Variants in EEF2KMT observed in about 807,000 individuals in gnomAD.
EEF2KMT encodes eukaryotic elongation factor 2 lysine methyltransferase.
EEF2KMT carries 30 observed loss-of-function variants against 35.1 expected under a neutral mutation model. The ratio of observed to expected loss-of-function variants is 0.85; its 90% CI spans 0.64 to 1.16. The LOEUF (loss-of-function observed/expected upper bound fraction) is 1.16. Among genes scored for constraint, EEF2KMT ranks in the 50% most tolerant of loss-of-function variants. The pLI is 0.00. For synonymous variants in EEF2KMT, 190 were observed against 187.7 expected (o/e 1.01, Z -0.10); for missense variants, 499 against 438.2 (o/e 1.14, Z -1.24).
At chr16:5,087,044 A>T (rs542144469) in intron 7 of EEF2KMT, 10 of 152,308 alleles carry the variant, frequency 6.6e-5, no homozygotes, top group African/African-American at 1.4e-4. Context: ...ATGAAGTAGT[A>T]CAGACATGAA....
In EEF2KMT at chr16:5,085,310, C is replaced by T. The variant is rs1957115588; in HGVS notation, c.*322G>A. The T allele has an allele frequency of 1.2e-5, 6 of 482,100 alleles. No individual in the cohort carries two copies. Among genetic ancestry groups the T allele is most frequent in the African/African-American group, 2.0e-5 (1 of 51,208 alleles). 29.9% of individuals were successfully genotyped at this position (482,100 alleles called of 1,614,324 possible). On this transcript the variant is annotated 3_prime_UTR_variant, in exon 8 of 8. Coordinates refer to ENST00000427587, the MANE Select transcript of EEF2KMT (RefSeq NM_201400.4). ...GCAGTGGGCTTGGCTTTGTGAGGAA[C>T]TGAGTGTGTCCACGTTGGGGGAACA...
rs533440227 is a variant in EEF2KMT at position 5,090,641 on chromosome 16, C to T, written c.343-76G>A. On this transcript the variant is annotated intron_variant, in intron 4 of 7. Transcript: ENST00000427587. The surrounding 1 kb of genome is among the most constrained non-coding windows in gnomAD (Gnocchi z 4.1). The stretch of plus-strand genomic sequence containing the variant: ...GCTTAGAAGACAAGTAGCCCCACCA[C>T]ATGGCTGAATAAACCATGACAGGAC... 3.9e-5 allele frequency: 62 copies of T among 1,586,478 alleles called. No individual in the cohort carries two copies. The South Asian group carries it at 6.2e-4, about 16-fold the overall frequency.
chr16:5,091,859 A>G lies in EEF2KMT; in HGVS notation c.277T>C (p.Tyr93His). The G allele has an allele frequency of 6.2e-7, 1 of 1,611,928 alleles. No homozygotes were observed. Among genetic ancestry groups the G allele is most frequent in the Non-Finnish European group, 8.5e-7 (1 of 1,179,800 alleles). ...ATCAGGGTCTCCGCCAGCGCTTCAT[A>G]CAGCTCGTCCAAAGGCTCTGTGTGG... is the stretch of plus-strand genomic sequence containing the variant. ...AVHTEPLDEL[Y>H]EALAETLMAK... is the part of the protein sequence containing the mutation. The change falls in exon 4 of 8, where the codon TAT (tyrosine) becomes CAT (histidine). Residue 93 changes from tyrosine (Y) to histidine (H), a missense_variant. Tyr to His is a moderately conservative substitution (Grantham distance 83, BLOSUM62 2). Coordinates refer to ENST00000427587, the MANE Select transcript of EEF2KMT (RefSeq NM_201400.4).
Position 5,097,599 on chromosome 16 carries a change from A to G in EEF2KMT, c.96+45T>C, listed in dbSNP as rs780430501. 6.6e-5 allele frequency: 101 copies of G among 1,528,938 alleles called. No individual in the cohort carries two copies. The East Asian group carries it at 2.2e-3, about 34-fold the overall frequency. 94.7% of individuals were successfully genotyped at this position (1,528,938 alleles called of 1,614,324 possible). A position where few individuals can be genotyped will look rare whatever the true frequency, so the allele number is the denominator to read the frequency against. On this transcript the variant is annotated intron_variant, in intron 1 of 7. Coordinates refer to ENST00000427587, the MANE Select transcript of EEF2KMT (RefSeq NM_201400.4). ...GGAGACCCGTCCCGTCTGCCCCTGG[A>G]CTCCCGCGAGCCCCGCGGGCCTCTC... is the stretch of plus-strand genomic sequence containing the variant.
In EEF2KMT at chr16:5,097,755, G is replaced by A. The variant is rs372997141; in HGVS notation, c.-16C>T. On this transcript the variant is annotated 5_prime_UTR_variant, in exon 1 of 8. Transcript: ENST00000427587. Reference sequence around the variant, plus strand: ...CGGGCGCCATGACGTGGGCGGGGCCGCAGCGTTGCCGGCAGACCGGGCGGA... The same window carrying A: ...CGGGCGCCATGACGTGGGCGGGGCCACAGCGTTGCCGGCAGACCGGGCGGA... 2.4e-5 allele frequency: 37 copies of A among 1,547,172 alleles called. No individual in the cohort carries two copies. Among genetic ancestry groups the A allele is most frequent in the Non-Finnish European group, 3.0e-5 (34 of 1,152,424 alleles).
intron 1 of EEF2KMT, among the ~76,000 whole-genome samples, chr16:5,096,866 A>C (rs1010843664): frequency 6.6e-6 from 1 of 152,262 alleles, no homozygotes; most frequent in African/African-American, 2.4e-5. Flanking sequence ...TTTTGGGTTA[A>C]AAATGCACGA....
At chr16:5,093,833 C>T (rs535466157) in intron 2 of EEF2KMT, among the ~76,000 whole-genome samples, 2 of 152,366 alleles carry the variant, frequency 1.3e-5, no homozygotes, top group African/African-American at 4.8e-5. Context: ...GCCCAAACCG[C>T]CTCCCTCCCA....
At position 5,090,563 on chromosome 16, in the gene EEF2KMT, G is replaced by A. The variant is rs1957322321; in HGVS notation, c.345C>T (p.Pro115=). ...STQGHRSYLL[P]SGGSVTLSES... ...CGGAGAGTGTGACCGAGCCTCCCGA[G>A]GGCTGCACCAAGAGAAGGCGAGAGA... Residue 115 remains proline (P), a splice_region_variant and synonymous_variant, in exon 5 of 8, where the codon CCC becomes CCT. Coordinates refer to ENST00000427587, the MANE Select transcript of EEF2KMT (RefSeq NM_201400.4). This position sits in a 1 kb window ranked among gnomAD's most constrained non-coding sequence, Gnocchi z 4.1. 6.2e-7 allele frequency: 1 copy of A among 1,611,828 alleles called. No homozygotes were observed. Among genetic ancestry groups the A allele is most frequent in the African/African-American group, 1.3e-5 (1 of 74,852 alleles).
chr16:5,089,043 TC>T, intron 7 of EEF2KMT, 63 bp downstream of exon 7: 2 of 1,607,874 alleles, frequency 1.2e-6, no homozygotes, highest in South Asian at 2.2e-5. Flanking sequence ...TTCTTTCACT[TC>T]CACTGGCGTC....
intron 2 of EEF2KMT, among the ~76,000 whole-genome samples, chr16:5,095,217 C>G (rs1006161880): frequency 2.6e-5 from 4 of 152,220 alleles, no homozygotes; most frequent in Non-Finnish European, 5.9e-5. Flanking sequence ...AGATTCCCCC[C>G]TCTCATTGCA....
chr16:5,085,134 A>G lies in EEF2KMT; in HGVS notation c.*498T>C, dbSNP rs1957110664. The G allele has an allele frequency of 1.5e-6, 1 of 662,042 alleles. No individual in the cohort carries two copies. The allele number at this position is 662,042 out of a possible 1,614,324, so 41.0% of individuals were successfully genotyped here. Reference sequence around the variant, plus strand: ...TCACGCCCCATGCCCCTGCTAGCGTATTACTGTTCTGTGACTTCCCTGTGA... The same window carrying G: ...TCACGCCCCATGCCCCTGCTAGCGTGTTACTGTTCTGTGACTTCCCTGTGA... On this transcript the variant is annotated 3_prime_UTR_variant, in exon 8 of 8. Coordinates refer to ENST00000427587, the MANE Select transcript of EEF2KMT (RefSeq NM_201400.4).
chr16:5,087,238 A>C (rs1345968226), intron 7 of EEF2KMT: 4 of 152,178 alleles, frequency 2.6e-5, no homozygotes, highest in African/African-American at 9.7e-5. Flanking sequence ...TCACAAAAAA[A>C]CCTCGTACTG....
Position 5,085,551 on chromosome 16 carries a change from T to G in EEF2KMT, c.*81A>C. On this transcript the variant is annotated 3_prime_UTR_variant, in exon 8 of 8. Transcript: ENST00000427587. ...TCCAAACATTCCAGTCCAATGAAAG[T>G]TTTATCCGCTTTCCCATATAAAAAT... is the stretch of plus-strand genomic sequence containing the variant. 1 of 1,072,702 alleles carries G rather than the reference T, an allele frequency of 9.3e-7. No homozygotes were observed. Among genetic ancestry groups the G allele is most frequent in the Non-Finnish European group, 1.5e-6 (1 of 688,792 alleles). 66.4% of individuals were successfully genotyped at this position (1,072,702 alleles called of 1,614,324 possible). A position where few individuals can be genotyped will look rare whatever the true frequency, so the allele number is the denominator to read the frequency against.
intron 4 of EEF2KMT, 39 bp downstream of exon 4, chr16:5,091,755 A>G (rs1381407661): frequency 6.2e-7 from 1 of 1,610,078 alleles, no homozygotes; most frequent in Admixed American, 1.7e-5. Flanking sequence ...CAGGAAGGGT[A>G]TCTGGGCTGT....
intron 3 of EEF2KMT, 94 bp from the exon 4 acceptor site, chr16:5,091,989 A>T (rs1957349693): frequency 6.4e-7 from 1 of 1,572,510 alleles, no homozygotes; most frequent in Non-Finnish European, 8.6e-7. Context: ...GAGATTTGCG[A>T]TGGAATGGTA....
chr16:5,090,399 G>C lies in EEF2KMT; in HGVS notation c.476+33C>G, dbSNP rs760999927. 6.2e-7 allele frequency: 1 copy of C among 1,612,032 alleles called. No individual in the cohort carries two copies. The highest frequency in any genetic ancestry group is 8.5e-7 in the Non-Finnish European group (1 of 1,179,848). On this transcript the variant is annotated intron_variant, in intron 5 of 7. Transcript: ENST00000427587. The surrounding 1 kb of genome is among the most constrained non-coding windows in gnomAD (Gnocchi z 4.1). ...TCTGCGACTGCACCAGGGTAAGCCT[G>C]CCTCGGTGCCCTGCCCTGCGCCCCG...
intron 3 of EEF2KMT, among the ~76,000 whole-genome samples, chr16:5,092,361 G>A (rs567892970): frequency 6.6e-6 from 1 of 152,296 alleles, no homozygotes; most frequent in East Asian, 1.9e-4. Flanking sequence ...GTGTGAGGGC[G>A]GCCCATGCTG....
chr16:5,090,354 C>T lies in EEF2KMT; in HGVS notation c.477-5G>A, dbSNP rs201433002. 35 of 1,611,728 alleles carry T rather than the reference C, an allele frequency of 2.2e-5. No homozygotes were observed. In the African/African-American group the frequency reaches 2.3e-4, roughly 10 times the overall value. The stretch of plus-strand genomic sequence containing the variant: ...CTGCCAAGCTCTAGGACAGTCCTGG[C>T]GGGAGGAAAGGGGACCGTGTCTGCG... On this transcript the variant is annotated splice_region_variant and splice_polypyrimidine_tract_variant and intron_variant, in intron 5 of 7. Transcript: ENST00000427587. This position sits in a 1 kb window ranked among gnomAD's most constrained non-coding sequence, Gnocchi z 4.1.
chr16:5,097,539 A>T (rs1211441208), intron 1 of EEF2KMT, 105 bp downstream of exon 1: 92 of 1,500,568 alleles, frequency 6.1e-5, no homozygotes, highest in Admixed American at 3.7e-4. Context: ...GGAGCCCAGG[A>T]ACTCACGTGG....
Sources: gnomAD v4.1 joint callset for allele counts (sites outside exome capture counted in the v4.1 genomes callset) on GRCh38, gnomAD v4.1.1 for gene constraint, Gnocchi (gnomAD v3.1) non-coding constraint, MANE v1.5 for transcripts, NCBI Gene and HGNC (gene_info 2026-07-23, HGNC 2026-07-21) for gene names.